DMGDH: variants seen among roughly 807,000 people sequenced by gnomAD.
DMGDH encodes the protein dimethylglycine dehydrogenase.
Under a neutral mutation model 95.2 loss-of-function variants are expected in DMGDH, and 76 were observed. The ratio of observed to expected loss-of-function variants is 0.80; its 90% CI spans 0.66 to 0.97. The LOEUF (loss-of-function observed/expected upper bound fraction) is 0.97, where lower values mean the gene tolerates loss of function less well. DMGDH is among the 50% of genes least tolerant of loss of function. DMGDH has a pLI of 0.00. For missense variants in DMGDH, 987 were observed against 1,055.0 expected, an observed-to-expected ratio of 0.94 and a Z score of 0.89; for synonymous variants, 345 against 377.6, an observed-to-expected ratio of 0.91 and a Z score of 1.00.
In DMGDH at chr5:78,997,911, T is replaced by C; in HGVS notation, c.*171A>G. ...AATGTAAATCATTTATCTATTATTC[T>C]GTCTTGCTTAGAAAACACTTAACAG... On this transcript the variant is annotated 3_prime_UTR_variant, in exon 16 of 16. Coordinates refer to ENST00000255189, the MANE Select transcript of DMGDH (RefSeq NM_013391.3). 1.5e-6 allele frequency: 1 copy of C among 670,860 alleles called. No homozygotes were observed. The highest frequency in any genetic ancestry group is 2.7e-5 in the East Asian group (1 of 36,610). 41.6% of individuals were successfully genotyped at this position (670,860 alleles called of 1,614,324 possible). A position where few individuals can be genotyped will look rare whatever the true frequency, so the allele number is the denominator to read the frequency against.
rs1220026541 is a variant in DMGDH, at chr5:79,051,345, T to C, written c.687A>G (p.Thr229=). ...VTSLKARSDG[T]WDVETPQGSM... is the part of the protein sequence containing the mutation. The stretch of plus-strand genomic sequence containing the variant: ...ACCCCTGTGGTGTTTCAACGTCCCA[T>C]GTTCCATCTGACCTGGCTTTCAGAG... The change falls in exon 5 of 16, where the codon ACA becomes ACG. Residue 229 remains threonine, a synonymous_variant. Coordinates refer to ENST00000255189, the MANE Select transcript of DMGDH (RefSeq NM_013391.3). 8 of 1,614,096 alleles carry C rather than the reference T, an allele frequency of 5.0e-6. No individual in the cohort carries two copies. The highest frequency in any genetic ancestry group is 4.2e-6 in the Non-Finnish European group (5 of 1,180,048).
chr5:79,018,604 G>T lies in DMGDH; in HGVS notation c.2250+5667C>A, dbSNP rs1753792812. ...GTTTACTATCTTCACTGCGGTGATG[G>T]TTTCACTGCTGTATCATGTACTAAA... On this transcript the variant is annotated intron_variant, in intron 14 of 15. Transcript: ENST00000255189. Among the ~76,000 whole-genome samples the T allele has an allele frequency of 2.0e-5, 3 of 152,058 alleles. No homozygotes were observed. The South Asian group carries it at 6.2e-4, about 31-fold the overall frequency.
intron 14 of DMGDH, chr5:79,020,796 A>G (rs1299992728): frequency 4.1e-6 from 4 of 985,182 alleles, no homozygotes; most frequent in Admixed American, 6.2e-5. Context: ...AGGGAGAAAC[A>G]TATTATAGAA....
intron 14 of DMGDH, among the ~76,000 whole-genome samples, chr5:79,022,016 G>A (rs1175388714): frequency 5.3e-5 from 8 of 152,192 alleles, no homozygotes; most frequent in Admixed American, 5.2e-4. Flanking sequence ...GATACAGTCA[G>A]CTTCTACCTT....
intron 5 of DMGDH, among the ~76,000 whole-genome samples, chr5:79,047,317 T>A (rs1318054530): frequency 1.3e-5 from 2 of 152,128 alleles, no homozygotes; most frequent in Admixed American, 1.3e-4. Context: ...AGGCTGAAGG[T>A]TCATGGACAA....
chr5:79,006,914 T>C (rs1390742667), intron 14 of DMGDH, among the ~76,000 whole-genome samples: 1 of 151,862 alleles, frequency 6.6e-6, no homozygotes, highest in East Asian at 1.9e-4. Context: ...ATGATTTCTA[T>C]GGATAATCCA....
chr5:79,028,594 GTTATGT>G lies in DMGDH; in HGVS notation c.1865_1870del (p.Asn622_Ile623del), dbSNP rs1754065732. The G allele has an allele frequency of 1.2e-6, 2 of 1,614,142 alleles. No homozygotes were observed. Among genetic ancestry groups the G allele is most frequent in the African/African-American group, 2.7e-5 (2 of 75,050 alleles). On this transcript the variant is annotated inframe_deletion, in exon 12 of 16. Transcript: ENST00000255189. ...AACTCCAAGAACTCCAAGCTCATCA[GTTATGT>G]TTTTAATTTCAACATCATATCCACC...
chr5:79,005,288 G>C lies in DMGDH; in HGVS notation c.2370C>G (p.Ile790Met). 6.2e-6 allele frequency: 10 copies of C among 1,613,776 alleles called. No individual in the cohort carries two copies. The highest frequency in any genetic ancestry group is 8.5e-6 in the Non-Finnish European group (10 of 1,179,894). ...CAGCACTCACCTTGCCATTGTACCAGATGCTTTCATTTCCCTCTGGATCAA... is the reference window on the plus strand; with the variant it reads ...CAGCACTCACCTTGCCATTGTACCACATGCTTTCATTTCCCTCTGGATCAA... ...DDVDPEGNES[I>M]WYNGKVVGNT... Residue 790 changes from isoleucine (I) to methionine (M), a missense_variant, in exon 15 of 16, where the codon ATC becomes ATG. Coordinates refer to ENST00000255189, the MANE Select transcript of DMGDH (RefSeq NM_013391.3).
chr5:79,015,318 C>T (rs1448400711), intron 14 of DMGDH, among the ~76,000 whole-genome samples: 1 of 152,168 alleles, frequency 6.6e-6, no homozygotes, highest in Non-Finnish European at 1.5e-5. Context: ...GAAGTCTTCG[C>T]CTTCTCTCCA....
At chr5:79,025,654 C>T (rs1445468618) in intron 13 of DMGDH, among the ~76,000 whole-genome samples, 2 of 152,104 alleles carry the variant, frequency 1.3e-5, no homozygotes, top group African/African-American at 4.8e-5. Flanking sequence ...AAATTCAAAC[C>T]CAAGAGTCCC....
chr5:79,046,282 A>G (rs1284300733), intron 5 of DMGDH, among the ~76,000 whole-genome samples: 5 of 151,822 alleles, frequency 3.3e-5, no homozygotes. Context: ...ACGAGATTTC[A>G]CCATTTTGAC....
At chr5:79,011,591 A>C (rs1197582488) in intron 14 of DMGDH, among the ~76,000 whole-genome samples, 2 of 152,238 alleles carry the variant, frequency 1.3e-5, no homozygotes, top group African/African-American at 2.4e-5. Flanking sequence ...AAAGAGATTT[A>C]ATTGGCTCAT....
chr5:79,021,563 T>C (rs759209043), intron 14 of DMGDH: 53 of 1,292,428 alleles, frequency 4.1e-5, no homozygotes, highest in Non-Finnish European at 5.2e-5. Context: ...TCCATTGTTC[T>C]TTTCCCTACT....
At chr5:79,020,653 C>T (rs921943) in intron 14 of DMGDH, 281,522 of 965,396 alleles carry the variant, frequency 0.29, 42,859 homozygotes, top group African/African-American at 0.48. Flanking sequence ...CTAGAATCAA[C>T]ATTGTCTTAT....
intron 7 of DMGDH, 111 bp downstream of exon 7, chr5:79,042,172 C>A (rs1754527783): frequency 1.1e-6 from 1 of 911,626 alleles, no homozygotes. Context: ...GTTTCTCTTT[C>A]TCTCTCTCTC....
At chr5:79,039,873 C>T (rs1754456752) in intron 7 of DMGDH, among the ~76,000 whole-genome samples, 1 of 152,160 alleles carries the variant, frequency 6.6e-6, no homozygotes, top group South Asian at 2.1e-4. Flanking sequence ...CAGAGAGCTT[C>T]TGGGTTGGTG....
chr5:79,060,253 C>G (rs1293245343), intron 2 of DMGDH, among the ~76,000 whole-genome samples: 1 of 152,212 alleles, frequency 6.6e-6, no homozygotes, highest in Admixed American at 6.5e-5. Context: ...CTCAAAACAT[C>G]TACTTTGGTA....
intron 15 of DMGDH, among the ~76,000 whole-genome samples, chr5:79,004,798 CT>C (rs1317210209): frequency 6.6e-6 from 1 of 152,170 alleles, no homozygotes; most frequent in Non-Finnish European, 1.5e-5. Context: ...ATGGTTTCCA[CT>C]TTTCACTTTA....
intron 9 of DMGDH, 152 bp downstream of exon 9, chr5:79,032,535 A>C: frequency 9.1e-7 from 1 of 1,096,832 alleles, no homozygotes; most frequent in Non-Finnish European, 1.4e-6. Context: ...GACTAATGCC[A>C]CCACTGCCAG....
Sources: allele counts gnomAD v4.1 joint callset (sites outside exome capture counted in the v4.1 genomes callset), GRCh38; gene constraint gnomAD v4.1.1; transcripts MANE v1.5; gene names NCBI Gene and HGNC (gene_info 2026-07-23, HGNC 2026-07-21).